The following COMP variants were observed in gnomAD, a reference collection of about 807,000 sequenced individuals.
COMP encodes the protein cartilage oligomeric matrix protein.
COMP carries 79 observed loss-of-function variants against 95.8 expected under a neutral mutation model. That is an observed-to-expected ratio of 0.82 (90% CI 0.69 to 0.99). The LOEUF (loss-of-function observed/expected upper bound fraction) is 0.99, where lower values mean the gene tolerates loss of function less well. COMP is among the 50% of genes least tolerant of loss of function. The probability of loss-of-function intolerance (pLI) is 0.00; values close to 1 mark genes in which losing one functional copy is unlikely to be tolerated. For synonymous variants in COMP, 438 were observed against 433.9 expected, an observed-to-expected ratio of 1.01 and a Z score of -0.12; for missense variants, 906 against 1,076.1, an observed-to-expected ratio of 0.84 and a Z score of 2.21.
In COMP at chr19:18,789,631, T is replaced by C. The variant is rs1226192958; in HGVS notation, c.390+311A>G. ...GCGTTCCCTGGCTGTGGAAGGGTCG[T>C]TGGGACTGGCGATCCCCTGCGGCGA... On this transcript the variant is annotated intron_variant, in intron 4 of 18. Coordinates refer to ENST00000222271, the MANE Select transcript of COMP (RefSeq NM_000095.3). The surrounding 1 kb of genome is among the most constrained non-coding windows in gnomAD (Gnocchi z 6.1). 2.0e-5 allele frequency among the ~76,000 whole-genome samples: 3 copies of C among 150,522 alleles called. No homozygotes were observed.
At position 18,787,864 on chromosome 19, in the gene COMP, C is replaced by CTTTTTCTCTT. The variant is rs56093208; in HGVS notation, c.976-215_976-214insAAGAGAAAAA. Among the ~76,000 whole-genome samples the CTTTTTCTCTT allele has an allele frequency of 1.6e-3, 179 of 108,852 alleles. 2 individuals are homozygous for CTTTTTCTCTT. The highest frequency in any genetic ancestry group is 2.2e-3 in the Non-Finnish European group (122 of 54,410). 71.4% of individuals were successfully genotyped at this position (108,852 alleles called of 152,430 possible). A position where few individuals can be genotyped will look rare whatever the true frequency, so the allele number is the denominator to read the frequency against. ...TCTTTTCTTTTTTCTTTTTCTTTTT[C>CTTTTTCTCTT]TCTTTCTTTCTTTCTTTCTTTCTTT... is the stretch of plus-strand genomic sequence containing the variant. On this transcript the variant is annotated intron_variant, in intron 9 of 18. Transcript: ENST00000222271.
At position 18,784,259 on chromosome 19, in the gene COMP, G is replaced by A. The variant is rs1274803045; in HGVS notation, c.2019C>T (p.Asn673=). The A allele has an allele frequency of 3.1e-6, 5 of 1,613,922 alleles. No homozygotes were observed. The highest frequency in any genetic ancestry group is 2.2e-5 in the East Asian group (1 of 44,896). Residue 673 remains asparagine, a synonymous_variant, in exon 17 of 19, where the codon AAC becomes AAT. Coordinates refer to ENST00000222271, the MANE Select transcript of COMP (RefSeq NM_000095.3). The surrounding 1 kb of genome is among the most constrained non-coding windows in gnomAD (Gnocchi z 4.9). ...QVRLLWKDPR[N]VGWKDKKSYR... is the part of the protein sequence containing the mutation. ...AGGACTTCTTGTCCTTCCAACCCACGTTTCGCGGGTCCTTCCACAGCAGCC... is the reference window on the plus strand; with the variant it reads ...AGGACTTCTTGTCCTTCCAACCCACATTTCGCGGGTCCTTCCACAGCAGCC...
chr19:18,790,986 C>T, intron 1 of COMP, 51 bp from the exon 2 acceptor site: 1 of 1,542,732 alleles, frequency 6.5e-7, no homozygotes, highest in Non-Finnish European at 8.7e-7. Context: ...GGAATCCCAC[C>T]ACCAACTCCC....
Position 18,784,629 on chromosome 19 carries a change from G to A in COMP, c.1915-266C>T, listed in dbSNP as rs1367116582. On this transcript the variant is annotated intron_variant, in intron 16 of 18. Transcript: ENST00000222271. This position sits in a 1 kb window ranked among gnomAD's most constrained non-coding sequence, Gnocchi z 4.9. ...GGGAGGATGGGGGGCTCTGCAGAAG[G>A]ACTTGGAAACTAAGGAAAAGTTTAG... Among the ~76,000 whole-genome samples, 1 of 152,134 alleles carries A rather than the reference G, an allele frequency of 6.6e-6. No individual in the cohort carries two copies. Among genetic ancestry groups the A allele is most frequent in the Non-Finnish European group, 1.5e-5 (1 of 68,026 alleles).
chr19:18,784,772 A>G lies in COMP; in HGVS notation c.1914+124T>C. On this transcript the variant is annotated intron_variant, in intron 16 of 18. Transcript: ENST00000222271. This position sits in a 1 kb window ranked among gnomAD's most constrained non-coding sequence, Gnocchi z 4.9. The stretch of plus-strand genomic sequence containing the variant: ...TGCGGGAGCCCAGAGGAGGGCTGGG[A>G]CAGCTTTGAGGTCCATAGTATGAGG... The G allele has an allele frequency of 1.8e-6, 2 of 1,082,148 alleles. No homozygotes were observed. The allele number at this position is 1,082,148 out of a possible 1,614,324, so 67.0% of individuals were successfully genotyped here.
chr19:18,787,777 G>T (rs2055178111), intron 9 of COMP, 127 bp from the exon 10 acceptor site: 1 of 1,272,378 alleles, frequency 7.9e-7, no homozygotes, highest in Non-Finnish European at 1.1e-6. Context: ...AGACCACGGA[G>T]GCCACGCCCC....
chr19:18,789,239 C>G lies in COMP; in HGVS notation c.449G>C (p.Arg150Pro). ...VRCINTSPGFRCEACPPGYSG... is the reference protein window; with the variant it reads ...VRCINTSPGFPCEACPPGYSG... ...GTACCCCGGCGGGCAAGCCTCGCAG[C>G]GGAACCCCGGGCTGGTGTTGATACA... Residue 150 changes from arginine (R) to proline (P), a missense_variant, in exon 5 of 19, where the codon CGC becomes CCC. By Grantham distance (103) the Arg-to-Pro change is moderately radical. Transcript: ENST00000222271. The surrounding 1 kb of genome is among the most constrained non-coding windows in gnomAD (Gnocchi z 6.1). The G allele has an allele frequency of 6.5e-7, 1 of 1,528,546 alleles. No individual in the cohort carries two copies. The highest frequency in any genetic ancestry group is 8.7e-7 in the Non-Finnish European group (1 of 1,145,932). The allele number at this position is 1,528,546 out of a possible 1,614,324, so 94.7% of individuals were successfully genotyped here.
At chr19:18,787,026 T>C in intron 10 of COMP, 1 of 337,708 alleles carries the variant, frequency 3.0e-6, no homozygotes, top group Non-Finnish European at 5.6e-6. Flanking sequence ...CTGCCTCAGC[T>C]TCCCAAAGTT....
chr19:18,791,071 G>A (rs1395711123), intron 1 of COMP, 120 bp downstream of exon 1: 7 of 1,497,612 alleles, frequency 4.7e-6, no homozygotes, highest in East Asian at 2.5e-5. Flanking sequence ...TGCTTTCTGC[G>A]CCCGGCACGT....
intron 1 of COMP, 83 bp from the exon 2 acceptor site, chr19:18,791,018 C>T: frequency 6.5e-7 from 1 of 1,531,470 alleles, no homozygotes; most frequent in Non-Finnish European, 8.8e-7. Flanking sequence ...GAACCCGGAC[C>T]TCCGAGGCCC....
At position 18,784,172 on chromosome 19, in the gene COMP, C is replaced by A. The variant is rs1463024756; in HGVS notation, c.2087+19G>T. 11 of 1,612,758 alleles carry A rather than the reference C, an allele frequency of 6.8e-6. No homozygotes were observed. Among genetic ancestry groups the A allele is most frequent in the Non-Finnish European group, 8.5e-6 (10 of 1,179,936 alleles). On this transcript the variant is annotated intron_variant, in intron 17 of 18. Coordinates refer to ENST00000222271, the MANE Select transcript of COMP (RefSeq NM_000095.3). The surrounding 1 kb of genome is among the most constrained non-coding windows in gnomAD (Gnocchi z 4.9). ...TGTGTGTCCCCAGCCCAGCCCACCA[C>A]AGAGGGTGGAGTCCCCACCTGATGT...
In COMP at chr19:18,786,223, C is replaced by CA; in HGVS notation, c.1307+15dup. 6.2e-7 allele frequency: 1 copy of CA among 1,614,166 alleles called. No homozygotes were observed. Among genetic ancestry groups the CA allele is most frequent in the East Asian group, 2.2e-5 (1 of 44,886 alleles). On this transcript the variant is annotated intron_variant, in intron 12 of 18. Transcript: ENST00000222271. ...TCAAAGGCTACCCGGACGCCCACCC[C>CA]AGGTGGCCTCCTTACTGGTCTTGAT... is the stretch of plus-strand genomic sequence containing the variant.
chr19:18,785,368 TC>T (rs912211517), intron 15 of COMP, 129 bp downstream of exon 15: 3 of 985,554 alleles, frequency 3.0e-6, no homozygotes, highest in Non-Finnish European at 4.4e-6. Flanking sequence ...CGCCCCTCTG[TC>T]CCCGCCCTTC....
chr19:18,788,516 T>C lies in COMP; in HGVS notation c.763-2A>G. 2 of 1,595,164 alleles carry C rather than the reference T, an allele frequency of 1.3e-6. No individual in the cohort carries two copies. Among genetic ancestry groups the C allele is most frequent in the Non-Finnish European group, 1.7e-6 (2 of 1,171,662 alleles). On this transcript the variant is annotated splice_acceptor_variant, in intron 7 of 18. Transcript: ENST00000222271. LOFTEE classifies it high-confidence loss of function. This position sits in a 1 kb window ranked among gnomAD's most constrained non-coding sequence, Gnocchi z 4.7. The stretch of plus-strand genomic sequence containing the variant: ...GTTGCCGGCCCAGCCAACGGCACAC[T>C]GTGGGAGAGTGTAAGTGGGTGCCCT...
At position 18,791,229 on chromosome 19, in the gene COMP, G is replaced by C; in HGVS notation, c.41C>G (p.Ala14Gly). The change falls in exon 1 of 19, where the codon GCT (alanine) becomes GGT (glycine). Residue 14 changes from alanine to glycine, a missense_variant. Coordinates refer to ENST00000222271, the MANE Select transcript of COMP (RefSeq NM_000095.3). ...DTACVLLLTL[A>G]ALGASGQGQS... Reference sequence around the variant, plus strand: ...GCCCTGTCCGGACGCGCCGAGGGCAGCCAGGGTGAGCAGAAGAACGCAGGC... The same window carrying C: ...GCCCTGTCCGGACGCGCCGAGGGCACCCAGGGTGAGCAGAAGAACGCAGGC... 6.3e-7 allele frequency: 1 copy of C among 1,597,494 alleles called. No individual in the cohort carries two copies. The highest frequency in any genetic ancestry group is 1.8e-5 in the Admixed American group (1 of 57,108).
Position 18,790,628 on chromosome 19 carries a change from T to C in COMP, c.166-15A>G, listed in dbSNP as rs1300054272. ...ATCTCCCTGACCTGCAGGGGTGGGA[T>C]GGAATCAGCGGGGTCCCAACCTCTC... On this transcript the variant is annotated splice_polypyrimidine_tract_variant and intron_variant, in intron 2 of 18. Transcript: ENST00000222271. The C allele has an allele frequency of 6.2e-7, 1 of 1,613,888 alleles. No homozygotes were observed. The highest frequency in any genetic ancestry group is 8.5e-7 in the Non-Finnish European group (1 of 1,179,866).
Position 18,789,731 on chromosome 19 carries a change from T to C in COMP, c.390+211A>G, listed in dbSNP as rs925157455. On this transcript the variant is annotated intron_variant, in intron 4 of 18. Coordinates refer to ENST00000222271, the MANE Select transcript of COMP (RefSeq NM_000095.3). The surrounding 1 kb of genome is among the most constrained non-coding windows in gnomAD (Gnocchi z 6.1). ...CGGGCGTCACTAGCTATGTAGGGGGTTGTGGGGGCGGGCGTCCCGGGTGGT... is the reference window on the plus strand; with the variant it reads ...CGGGCGTCACTAGCTATGTAGGGGGCTGTGGGGGCGGGCGTCCCGGGTGGT... Among the ~76,000 whole-genome samples, 24 of 147,028 alleles carry C rather than the reference T, an allele frequency of 1.6e-4. 1 individual carries two copies.
intron 1 of COMP, 98 bp downstream of exon 1, chr19:18,791,093 A>C: frequency 6.6e-7 from 1 of 1,510,276 alleles, no homozygotes; most frequent in Non-Finnish European, 8.9e-7. Flanking sequence ...CCCTACGAAC[A>C]GTCCGTGAGC....
rs537633917 is a variant in COMP at position 18,787,826 on chromosome 19, G to T, written c.976-176C>A. On this transcript the variant is annotated intron_variant, in intron 9 of 18. Transcript: ENST00000222271. ...GCCCCATCCCACTTCCCTAGGCCCCGCTCACAGCTCTGTCTTTTCTTTTTT... is the reference window on the plus strand; with the variant it reads ...GCCCCATCCCACTTCCCTAGGCCCCTCTCACAGCTCTGTCTTTTCTTTTTT... Among the ~76,000 whole-genome samples the T allele has an allele frequency of 4.7e-5, 7 of 150,018 alleles. No homozygotes were observed. The South Asian group carries it at 1.5e-3, about 32-fold the overall frequency.
Sources: allele counts gnomAD v4.1 joint callset (sites outside exome capture counted in the v4.1 genomes callset), GRCh38; gene constraint gnomAD v4.1.1; non-coding constraint Gnocchi (gnomAD v3.1); transcripts MANE v1.5; gene names NCBI Gene and HGNC (gene_info 2026-07-23, HGNC 2026-07-21).